Variants in PHACTR1 observed in about 807,000 individuals in gnomAD.
The protein encoded by PHACTR1 is RPEL repeat containing 1.
A neutral mutation model predicts 69.2 loss-of-function variants in PHACTR1; 16 were observed. The observed-to-expected ratio is 0.23, with a 90% CI of 0.16 to 0.35. The LOEUF is 0.35. Among genes scored for constraint, PHACTR1 ranks in the 10% least tolerant of loss-of-function variants. The pLI is 1.00. For synonymous variants in PHACTR1, 312 were observed against 284.5 expected (o/e 1.10, Z -0.97); for missense variants, 510 against 734.7 (o/e 0.69, Z 3.54).
At chr6:13,186,425 T>A (rs1356112197) in intron 7 of PHACTR1, among the ~76,000 whole-genome samples, 1 of 152,228 alleles carries the variant, frequency 6.6e-6, no homozygotes, top group African/African-American at 2.4e-5. Context: ...CCTTAAAGTT[T>A]TTCCATCTTC....
intron 10 of PHACTR1, among the ~76,000 whole-genome samples, chr6:13,244,849 T>C (rs1030015985): frequency 6.6e-6 from 1 of 152,172 alleles, no homozygotes; most frequent in Non-Finnish European, 1.5e-5. Context: ...GCTGACAGGA[T>C]TAAGAGATTA....
At chr6:12,944,787 A>ATTTT (rs67157877) in intron 4 of PHACTR1, among the ~76,000 whole-genome samples, 29 of 116,396 alleles carry the variant, frequency 2.5e-4, no homozygotes, top group African/African-American at 9.2e-4. Context: ...ATTTTTATTT[A>ATTTT]TTTTTTTTTT....
chr6:12,720,112 A>G (rs530323327), intron 3 of PHACTR1, among the ~76,000 whole-genome samples: 1 of 152,354 alleles, frequency 6.6e-6, no homozygotes, highest in African/African-American at 2.4e-5. Flanking sequence ...CAGGACCTCC[A>G]ACCTCTTCTG....
chr6:13,252,924 CTTGGGGTTT>C, intron 10 of PHACTR1: 1 of 339,828 alleles, frequency 2.9e-6, no homozygotes, highest in South Asian at 2.1e-5. Flanking sequence ...TCTGAGATTC[CTTGGGGTTT>C]TTGTGTTTTC....
chr6:13,218,885 AGAG>A (rs1768147703), intron 8 of PHACTR1, among the ~76,000 whole-genome samples: 2 of 102,966 alleles, frequency 1.9e-5, no homozygotes, highest in African/African-American at 4.5e-5. Context: ...AGAGAAGAGA[AGAG>A]AAGAGAAGAG....
chr6:12,789,839 A>G (rs966129799), intron 4 of PHACTR1, among the ~76,000 whole-genome samples: 13 of 151,632 alleles, frequency 8.6e-5, no homozygotes, highest in Non-Finnish European at 1.3e-4. Flanking sequence ...GGTTAGTTAC[A>G]TATGTATACA....
chr6:13,011,671 C>T (rs1435986226), intron 4 of PHACTR1, among the ~76,000 whole-genome samples: 1 of 152,176 alleles, frequency 6.6e-6, no homozygotes, highest in African/African-American at 2.4e-5. Context: ...TTCTGCAGGT[C>T]CACTGTTCTA....
At chr6:12,739,377 A>G (rs112708665) in intron 3 of PHACTR1, among the ~76,000 whole-genome samples, 96 of 152,342 alleles carry the variant, frequency 6.3e-4, no homozygotes, top group African/African-American at 2.3e-3. Flanking sequence ...GCTGATATGT[A>G]TAAAGACAGC....
intron 4 of PHACTR1, among the ~76,000 whole-genome samples, chr6:12,980,712 A>G (rs1420790787): frequency 6.6e-6 from 1 of 152,192 alleles, no homozygotes; most frequent in Admixed American, 6.5e-5. Flanking sequence ...TAAGTCTTAG[A>G]TAACTTCTTT....
At chr6:13,221,323 T>C (rs781553271) in intron 8 of PHACTR1, among the ~76,000 whole-genome samples, 1 of 151,344 alleles carries the variant, frequency 6.6e-6, no homozygotes, top group Non-Finnish European at 1.5e-5. Flanking sequence ...ATCCATGCTG[T>C]AGAGGGTGGA....
At chr6:12,797,476 C>T (rs1317988177) in intron 4 of PHACTR1, among the ~76,000 whole-genome samples, 2 of 152,138 alleles carry the variant, frequency 1.3e-5, no homozygotes, top group Non-Finnish European at 2.9e-5. Flanking sequence ...TACTTCTTTC[C>T]AGCAGTCATT....
At chr6:13,212,697 T>C (rs1767048031) in intron 8 of PHACTR1, among the ~76,000 whole-genome samples, 1 of 152,012 alleles carries the variant, frequency 6.6e-6, no homozygotes, top group South Asian at 2.1e-4. Context: ...ACAGCGGCCT[T>C]CCCACCATTC....
chr6:13,120,243 T>C (rs1288498355), intron 5 of PHACTR1, among the ~76,000 whole-genome samples: 1 of 152,174 alleles, frequency 6.6e-6, no homozygotes, highest in African/African-American at 2.4e-5. Context: ...CCCTCCCTGC[T>C]TCTCCCTCTC....
chr6:12,952,439 A>G (rs1159643949), intron 4 of PHACTR1, among the ~76,000 whole-genome samples: 2 of 152,090 alleles, frequency 1.3e-5, no homozygotes, highest in African/African-American at 2.4e-5. Context: ...CATAGTGTTT[A>G]CCTTTTCCAG....
chr6:12,829,754 A>G (rs1369052822), intron 4 of PHACTR1, among the ~76,000 whole-genome samples: 1 of 151,742 alleles, frequency 6.6e-6, no homozygotes, highest in Non-Finnish European at 1.5e-5. Flanking sequence ...CTGGAGTTCA[A>G]GATCAGGCTG....
chr6:13,241,785 A>AG (rs1204471150), intron 10 of PHACTR1, among the ~76,000 whole-genome samples: 1 of 151,882 alleles, frequency 6.6e-6, no homozygotes, highest in Non-Finnish European at 1.5e-5. Flanking sequence ...GCATTTTGGG[A>AG]GGCCGGGGCA....
intron 4 of PHACTR1, among the ~76,000 whole-genome samples, chr6:12,935,673 G>A (rs1226042438): frequency 6.6e-6 from 1 of 152,064 alleles, no homozygotes; most frequent in Non-Finnish European, 1.5e-5. Flanking sequence ...ATGTTTTGGG[G>A]TTTTGGGGTA....
intron 4 of PHACTR1, among the ~76,000 whole-genome samples, chr6:13,025,390 T>C (rs1801537536): frequency 1.3e-5 from 2 of 152,018 alleles, no homozygotes; most frequent in Admixed American, 1.3e-4. Flanking sequence ...ACAAACCAGA[T>C]AAAAGGGAGA....
intron 4 of PHACTR1, among the ~76,000 whole-genome samples, chr6:12,985,189 A>C (rs1303645818): frequency 6.6e-6 from 1 of 152,146 alleles, no homozygotes; most frequent in African/African-American, 2.4e-5. Context: ...ACTGTTTATA[A>C]TTTCTCTATT....
Sources: gnomAD v4.1 joint callset for allele counts (sites outside exome capture counted in the v4.1 genomes callset) on GRCh38, gnomAD v4.1.1 for gene constraint, MANE v1.5 for transcripts, NCBI Gene and HGNC (gene_info 2026-07-23, HGNC 2026-07-21) for gene names.